CADPS: variants seen among roughly 807,000 people sequenced by gnomAD.
CADPS encodes calcium dependent secretion activator, also known as calcium-dependent secretion activator 1.
CADPS carries 57 observed loss-of-function variants against 167.3 expected under a neutral mutation model. The ratio of observed to expected loss-of-function variants is 0.34; its 90% CI spans 0.28 to 0.42. The LOEUF (loss-of-function observed/expected upper bound fraction) is 0.42, where lower values mean the gene tolerates loss of function less well. Ranked by LOEUF, CADPS falls within the 20% of genes least tolerant of loss-of-function variation. The pLI is 1.00. For missense variants in CADPS, 1,414 were observed against 1,738.1 expected, an observed-to-expected ratio of 0.81 and a Z score of 3.32; for synonymous variants, 676 against 635.3, an observed-to-expected ratio of 1.06 and a Z score of -0.96.
At chr3:62,434,941 T>A (rs747641287) in intron 28 of CADPS, among the ~76,000 whole-genome samples, 30 of 152,004 alleles carry the variant, frequency 2.0e-4, no homozygotes, top group Non-Finnish European at 3.8e-4. Context: ...CAACAGGAAC[T>A]CTTAGAACAT....
At chr3:62,483,475 A>G (rs1177814608) in intron 21 of CADPS, among the ~76,000 whole-genome samples, 1 of 152,124 alleles carries the variant, frequency 6.6e-6, no homozygotes, top group Non-Finnish European at 1.5e-5. Context: ...ATTCTTTCAC[A>G]ATGGCAATAT....
intron 3 of CADPS, among the ~76,000 whole-genome samples, chr3:62,752,373 TACCAGCAATATCTTTGAATGTGATGC>T (rs1404880773): frequency 2.6e-5 from 4 of 152,228 alleles, no homozygotes; most frequent in Non-Finnish European, 5.9e-5. Context: ...TGAAAGTAGA[TACCAGCAATATCTTTGAATGTGATGC>T]ATGTGTTGTA....
At chr3:62,516,212 G>A in intron 15 of CADPS, 30 bp from the exon 16 acceptor site, 1 of 1,612,002 alleles carries the variant, frequency 6.2e-7, no homozygotes, top group South Asian at 1.1e-5. Flanking sequence ...GGATTATTAA[G>A]AAGGTTCAAG....
rs370149710 is a variant in CADPS at position 62,705,261 on chromosome 3, G to A, written c.889-42867C>T. On this transcript the variant is annotated intron_variant, in intron 3 of 29. Transcript: ENST00000383710. ...AGATTCTTCTCTCCCTTTCGAGGCA[G>A]TAAGTGTCCTTATCCTATAGGTAGC... 2.2e-4 allele frequency among the ~76,000 whole-genome samples: 34 copies of A among 152,206 alleles called. 1 individual carries two copies. In the East Asian group the frequency reaches 6.4e-3, roughly 29 times the overall value.
In CADPS at chr3:62,433,030, A is replaced by G. The variant is rs2054278909; in HGVS notation, c.3777+5074T>C. ...TGGAAGTGGTTTCCCTTACCTGGAC[A>G]GCTGGTGATATACCTTACAGATATA... On this transcript the variant is annotated intron_variant, in intron 28 of 29. Transcript: ENST00000383710. The surrounding 1 kb of genome is among the most constrained non-coding windows in gnomAD (Gnocchi z 4.7). Among the ~76,000 whole-genome samples the G allele has an allele frequency of 6.6e-6, 1 of 152,148 alleles. No individual in the cohort carries two copies. Among genetic ancestry groups the G allele is most frequent in the Non-Finnish European group, 1.5e-5 (1 of 68,032 alleles).
chr3:62,559,735 C>T (rs2078814233), intron 9 of CADPS, among the ~76,000 whole-genome samples: 1 of 152,098 alleles, frequency 6.6e-6, no homozygotes, highest in African/African-American at 2.4e-5. Context: ...TTCAGGTGAT[C>T]TGCCCGCCTC....
intron 28 of CADPS, among the ~76,000 whole-genome samples, chr3:62,425,838 C>A (rs1167164019): frequency 6.6e-6 from 1 of 152,174 alleles, no homozygotes; most frequent in East Asian, 1.9e-4. Context: ...ATAATGTTTC[C>A]TTGCTTAGTG....
chr3:62,557,558 C>T (rs376958788), intron 9 of CADPS, 45 bp from the exon 10 acceptor site: 2 of 1,479,456 alleles, frequency 1.4e-6, no homozygotes, highest in East Asian at 2.3e-5. Context: ...TGGAGCCTGT[C>T]TTCTCCAAAA....
chr3:62,518,068 C>T, intron 14 of CADPS, 81 bp downstream of exon 14: 4 of 899,590 alleles, frequency 4.4e-6, no homozygotes, highest in South Asian at 1.4e-5. Context: ...GGTAGATTTA[C>T]AGTTTTGGAA....
chr3:62,618,273 T>C (rs1378801877), intron 6 of CADPS, among the ~76,000 whole-genome samples: 2 of 152,062 alleles, frequency 1.3e-5, no homozygotes, highest in African/African-American at 4.8e-5. Flanking sequence ...AGAGAAATTC[T>C]TAATGTCATC....
At chr3:62,427,898 A>G (rs2053086558) in intron 28 of CADPS, among the ~76,000 whole-genome samples, 1 of 152,216 alleles carries the variant, frequency 6.6e-6, no homozygotes, top group Non-Finnish European at 1.5e-5. Context: ...TACACAAATA[A>G]TGAGAGGGGC....
rs576516192 is a variant in CADPS at position 62,685,951 on chromosome 3, T to C, written c.889-23557A>G. Among the ~76,000 whole-genome samples, 56 of 152,152 alleles carry C rather than the reference T, an allele frequency of 3.7e-4. 1 individual carries two copies. The highest frequency in any genetic ancestry group is 1.3e-3 in the African/African-American group (54 of 41,488). On this transcript the variant is annotated intron_variant, in intron 3 of 29. Transcript: ENST00000383710. ...ACTATAGGATGGCTATAATTAACAA[T>C]ATATTATATAGTTTCAAATAGCTAG...
chr3:62,405,740 T>C (rs1056597756), intron 28 of CADPS, among the ~76,000 whole-genome samples: 4 of 152,092 alleles, frequency 2.6e-5, no homozygotes, highest in Non-Finnish European at 5.9e-5. Context: ...GTGTAAAAAA[T>C]GTATGATGCC....
chr3:62,439,288 A>G (rs1343816790), intron 27 of CADPS: 1 of 152,220 alleles, frequency 6.6e-6, no homozygotes, highest in Non-Finnish European at 1.5e-5. Context: ...GGTGAAAATG[A>G]GGAAGGTTTA....
intron 1 of CADPS, among the ~76,000 whole-genome samples, chr3:62,866,582 AAAGG>A (rs2081732171): frequency 6.6e-6 from 1 of 152,070 alleles, no homozygotes; most frequent in African/African-American, 2.4e-5. Context: ...AAGGTTTCCT[AAAGG>A]AGATAACACT....
At chr3:62,545,381 T>A (rs2076297356) in intron 11 of CADPS, among the ~76,000 whole-genome samples, 1 of 152,082 alleles carries the variant, frequency 6.6e-6, no homozygotes. Context: ...TTGACATCAT[T>A]TCCAAGGTAA....
rs1168103110 is a variant in CADPS, at chr3:62,544,918, G to A, written c.1966+4985C>T. The A allele has an allele frequency of 6.5e-6, 7 of 1,079,192 alleles. No homozygotes were observed. The highest frequency in any genetic ancestry group is 3.5e-6 in the Non-Finnish European group (3 of 847,680). 66.9% of individuals were successfully genotyped at this position (1,079,192 alleles called of 1,614,324 possible). A position where few individuals can be genotyped will look rare whatever the true frequency, so the allele number is the denominator to read the frequency against. On this transcript the variant is annotated intron_variant, in intron 11 of 29. Coordinates refer to ENST00000383710, the MANE Select transcript of CADPS (RefSeq NM_003716.4). The surrounding 1 kb of genome is among the most constrained non-coding windows in gnomAD (Gnocchi z 4.4). ...GAATAACATAAAGACTAGCAACAAG[G>A]CTCAGGAAAGCAGACAGGAGTTCTA...
chr3:62,731,538 C>G (rs1473511362), intron 3 of CADPS, among the ~76,000 whole-genome samples: 1 of 152,044 alleles, frequency 6.6e-6, no homozygotes, highest in African/African-American at 2.4e-5. Flanking sequence ...GGCATGTATA[C>G]TCTCTAATCC....
At chr3:62,471,446 T>C (rs1180545100) in intron 24 of CADPS, among the ~76,000 whole-genome samples, 1 of 152,168 alleles carries the variant, frequency 6.6e-6, no homozygotes, top group Non-Finnish European at 1.5e-5. Flanking sequence ...AATGGCTCCA[T>C]ACCTTTTTTT....
Sources: allele counts gnomAD v4.1 joint callset (sites outside exome capture counted in the v4.1 genomes callset), GRCh38; gene constraint gnomAD v4.1.1; non-coding constraint Gnocchi (gnomAD v3.1); transcripts MANE v1.5; gene names NCBI Gene and HGNC (gene_info 2026-07-23, HGNC 2026-07-21).